The following WDR27 variants were observed in gnomAD, a reference collection of about 807,000 sequenced individuals.
WDR27 encodes WD repeat domain 27.
Under a neutral mutation model 114.4 loss-of-function variants are expected in WDR27, and 100 were observed. That is an observed-to-expected ratio of 0.87 (90% CI 0.74 to 1.03). The LOEUF (loss-of-function observed/expected upper bound fraction) is 1.03, where lower values mean the gene tolerates loss of function less well. WDR27 is among the 50% of genes least tolerant of loss of function. WDR27 has a pLI of 0.00. For missense variants in WDR27, 1,129 were observed against 1,092.9 expected (o/e 1.03, Z -0.47); for synonymous variants, 449 against 423.1 (o/e 1.06, Z -0.75).
At chr6:169,500,334 A>C (rs1791001555) in intron 25 of WDR27, among the ~76,000 whole-genome samples, 2 of 152,168 alleles carry the variant, frequency 1.3e-5, no homozygotes, top group African/African-American at 4.8e-5. Context: ...TGTACTAACA[A>C]GCCAGGGCAG....
chr6:169,546,116 G>C (rs1009670031), intron 25 of WDR27, among the ~76,000 whole-genome samples: 2 of 152,112 alleles, frequency 1.3e-5, no homozygotes, highest in African/African-American at 4.8e-5. Flanking sequence ...ATAGAAAACA[G>C]TGACAACATC....
intron 2 of WDR27, among the ~76,000 whole-genome samples, chr6:169,674,596 G>A (rs1044587994): frequency 3.3e-5 from 5 of 152,288 alleles, no homozygotes; most frequent in African/African-American, 7.2e-5. Context: ...GAAACTTCAC[G>A]TGACCTGACA....
At chr6:169,489,895 T>A (rs536631036) in intron 25 of WDR27, among the ~76,000 whole-genome samples, 2 of 152,200 alleles carry the variant, frequency 1.3e-5, no homozygotes, top group Non-Finnish European at 2.9e-5. Context: ...TTTGTGGTAG[T>A]CTTTCTGGCT....
intron 4 of WDR27, chr6:169,670,238 T>C (rs1258893117): frequency 5.5e-6 from 1 of 181,718 alleles, no homozygotes; most frequent in Non-Finnish European, 1.1e-5. Flanking sequence ...TGATAAAAGA[T>C]ATAAACAAAA....
At chr6:169,505,462 T>A (rs1791880047) in intron 25 of WDR27, among the ~76,000 whole-genome samples, 1 of 57,224 alleles carries the variant, frequency 1.7e-5, no homozygotes, top group African/African-American at 3.4e-5. Flanking sequence ...ACATTTGTTA[T>A]TCCTTCTCTA....
intron 1 of WDR27, among the ~76,000 whole-genome samples, chr6:169,695,066 C>T (rs1178474290): frequency 6.6e-6 from 1 of 152,066 alleles, no homozygotes; most frequent in Non-Finnish European, 1.5e-5. Context: ...GATGTGGATG[C>T]TAAGACAACA....
chr6:169,691,870 T>C (rs777045408), intron 1 of WDR27, among the ~76,000 whole-genome samples: 10 of 152,204 alleles, frequency 6.6e-5, no homozygotes, highest in African/African-American at 2.4e-4. Context: ...ACAGGACTAA[T>C]GTGCATCTCC....
At chr6:169,459,704 A>G (rs1784689470) in intron 25 of WDR27, among the ~76,000 whole-genome samples, 1 of 152,148 alleles carries the variant, frequency 6.6e-6, no homozygotes, top group Admixed American at 6.5e-5. Context: ...ACAAGAGAAA[A>G]GTCTTATCAC....
intron 21 of WDR27, among the ~76,000 whole-genome samples, chr6:169,626,818 AG>A (rs1292033739): frequency 1.3e-5 from 2 of 152,230 alleles, no homozygotes; most frequent in Non-Finnish European, 2.9e-5. Flanking sequence ...GCGTTCATCC[AG>A]TGTGTAAAAC....
rs543753300 is a variant in WDR27, at chr6:169,648,509, G to A, written c.1560-639C>T. Among the ~76,000 whole-genome samples the A allele has an allele frequency of 3.3e-5, 5 of 152,370 alleles. No homozygotes were observed. In the East Asian group the frequency reaches 9.6e-4, roughly 29 times the overall value. On this transcript the variant is annotated intron_variant, in intron 15 of 25. Coordinates refer to ENST00000448612, the MANE Select transcript of WDR27 (RefSeq NM_182552.5). ...AAGGCCTGAATGCATTTTGCTGCAAGCACGTGCGTAATATCAGGCAGAACG... is the reference window on the plus strand; with the variant it reads ...AAGGCCTGAATGCATTTTGCTGCAAACACGTGCGTAATATCAGGCAGAACG...
intron 25 of WDR27, among the ~76,000 whole-genome samples, chr6:169,563,735 A>C (rs1278532814): frequency 6.6e-6 from 1 of 152,208 alleles, no homozygotes; most frequent in Admixed American, 6.5e-5. Context: ...AGGATAAGAA[A>C]GTTTACTTTC....
chr6:169,565,966 A>G lies in WDR27; in HGVS notation c.2645+6453T>C, dbSNP rs564973544. ...TAGCCCCATTTTTTAATTAACTGAT[A>G]ATTATGAGCTCAGCTTTGACTTTTA... On this transcript the variant is annotated intron_variant, in intron 25 of 25. Coordinates refer to ENST00000448612, the MANE Select transcript of WDR27 (RefSeq NM_182552.5). 4.1e-4 allele frequency among the ~76,000 whole-genome samples: 62 copies of G among 152,342 alleles called. 1 individual carries two copies. Among genetic ancestry groups the G allele is most frequent in the Non-Finnish European group, 7.3e-4 (50 of 68,040 alleles).
intron 21 of WDR27, among the ~76,000 whole-genome samples, chr6:169,627,169 T>C (rs185764595): frequency 1.3e-5 from 2 of 152,338 alleles, no homozygotes; most frequent in Admixed American, 6.5e-5. Context: ...TTAGAAACAA[T>C]GTTCATTACA....
At chr6:169,631,690 G>T (rs148129066) in intron 21 of WDR27, among the ~76,000 whole-genome samples, 536 of 152,244 alleles carry the variant, frequency 3.5e-3, no homozygotes, top group African/African-American at 0.012. Context: ...GAATCCCGGG[G>T]TCTCTCATGC....
intron 25 of WDR27, among the ~76,000 whole-genome samples, chr6:169,543,811 C>T (rs1414757341): frequency 2.6e-5 from 4 of 152,128 alleles, no homozygotes; most frequent in Non-Finnish European, 5.9e-5. Flanking sequence ...CAATAAATTG[C>T]ATTTTGAAGC....
intron 25 of WDR27, among the ~76,000 whole-genome samples, chr6:169,496,807 G>T (rs917821342): frequency 6.6e-6 from 1 of 152,062 alleles, no homozygotes; most frequent in Non-Finnish European, 1.5e-5. Flanking sequence ...GTAAATTAAT[G>T]GAAACATATT....
At chr6:169,595,800 T>C (rs1181290663) in intron 23 of WDR27, among the ~76,000 whole-genome samples, 1 of 147,040 alleles carries the variant, frequency 6.8e-6, no homozygotes, top group Admixed American at 6.8e-5. Context: ...TTTTTTTTTT[T>C]CAATATAACT....
intron 25 of WDR27, among the ~76,000 whole-genome samples, chr6:169,535,683 T>A (rs1338598520): frequency 4.6e-5 from 7 of 152,152 alleles, no homozygotes; most frequent in African/African-American, 1.7e-4. Flanking sequence ...CATCTGCCTG[T>A]CCAAGACCAC....
chr6:169,448,748 C>T, the WDR27 span, among the ~76,000 whole-genome samples: 1 of 152,172 alleles, frequency 6.6e-6, no homozygotes, highest in African/African-American at 2.4e-5. Context: ...TACAGATGGG[C>T]TTGCAGTTTG....
Sources: gnomAD v4.1 joint callset for allele counts (sites outside exome capture counted in the v4.1 genomes callset) on GRCh38, gnomAD v4.1.1 for gene constraint, MANE v1.5 for transcripts, NCBI Gene and HGNC (gene_info 2026-07-23, HGNC 2026-07-21) for gene names.